Variants in GULP1 observed in about 807,000 individuals in gnomAD.
The protein encoded by GULP1 is PTB domain-containing engulfment adapter protein 1.
A neutral mutation model predicts 40.9 loss-of-function variants in GULP1; 19 were observed. The observed-to-expected ratio is 0.46, with a 90% CI of 0.32 to 0.68. The LOEUF (loss-of-function observed/expected upper bound fraction) is 0.68. Among genes scored for constraint, GULP1 ranks in the 30% least tolerant of loss-of-function variants. The probability of loss-of-function intolerance (pLI) is 0.03; values close to 1 mark genes in which losing one functional copy is unlikely to be tolerated. For synonymous variants in GULP1, 119 were observed against 117.6 expected, an observed-to-expected ratio of 1.01 and a Z score of -0.08; for missense variants, 312 against 362.2, an observed-to-expected ratio of 0.86 and a Z score of 1.12.
chr2:188,406,252 A>G (rs540788305), intron 2 of GULP1, among the ~76,000 whole-genome samples: 56 of 152,298 alleles, frequency 3.7e-4, no homozygotes, highest in African/African-American at 1.3e-3. Flanking sequence ...TACTGACTAT[A>G]TGCAGAATAC....
intron 2 of GULP1, among the ~76,000 whole-genome samples, chr2:188,431,779 G>C (rs934478526): frequency 6.6e-6 from 1 of 151,766 alleles, no homozygotes; most frequent in Non-Finnish European, 1.5e-5. Flanking sequence ...ATTTATGTTA[G>C]GACAGAAATT....
intron 1 of GULP1, among the ~76,000 whole-genome samples, chr2:188,321,847 A>C (rs10189416): frequency 0.15 from 22,988 of 151,738 alleles, 1,890 homozygotes; most frequent in African/African-American, 0.17. Context: ...TGAAACACCA[A>C]CTCTACTAAA....
chr2:188,494,279 G>C (rs932209696), intron 4 of GULP1, among the ~76,000 whole-genome samples: 4 of 151,964 alleles, frequency 2.6e-5, no homozygotes, highest in Non-Finnish European at 5.9e-5. Flanking sequence ...CAGACTTCTT[G>C]TTTGTTTCAA....
rs561922193 is a variant in GULP1, at chr2:188,495,833, C to A, written c.90+12341C>A. Among the ~76,000 whole-genome samples the A allele has an allele frequency of 2.0e-5, 3 of 151,946 alleles. No individual in the cohort carries two copies. In the South Asian group the frequency reaches 6.2e-4, roughly 32 times the overall value. On this transcript the variant is annotated intron_variant, in intron 4 of 11. Transcript: ENST00000409830. Reference sequence around the variant, plus strand: ...CAAGATTTAACAAAGATTTGATATACCTTTATTACACGGAAAAAAAAGCTT... The same window carrying A: ...CAAGATTTAACAAAGATTTGATATAACTTTATTACACGGAAAAAAAAGCTT...
chr2:188,293,843 AAAGAGACTGGGC>A (rs2034339409), intron 1 of GULP1: 1 of 152,260 alleles, frequency 6.6e-6, no homozygotes, highest in Non-Finnish European at 1.5e-5. Flanking sequence ...GCCAGGCATG[AAAGAGACTGGGC>A]AAGTTGCAGG....
At chr2:188,434,027 A>G (rs1484070158) in intron 2 of GULP1, among the ~76,000 whole-genome samples, 4 of 151,784 alleles carry the variant, frequency 2.6e-5, no homozygotes, top group African/African-American at 9.7e-5. Flanking sequence ...TAGTGAAGAT[A>G]CTAGCCTTAT....
intron 1 of GULP1, among the ~76,000 whole-genome samples, chr2:188,344,197 G>A (rs916381417): frequency 6.6e-5 from 10 of 152,216 alleles, no homozygotes; most frequent in Admixed American, 1.3e-4. Flanking sequence ...TAGAAAGAAG[G>A]AATGAGGATA....
intron 2 of GULP1, among the ~76,000 whole-genome samples, chr2:188,423,401 T>C (rs1050844537): frequency 2.0e-5 from 3 of 152,130 alleles, no homozygotes; most frequent in African/African-American, 7.2e-5. Context: ...TGAGAATTAA[T>C]ACCTATTTTT....
chr2:188,342,255 G>A (rs2043070989), intron 1 of GULP1, among the ~76,000 whole-genome samples: 1 of 152,110 alleles, frequency 6.6e-6, no homozygotes, highest in African/African-American at 2.4e-5. Flanking sequence ...TCTTCTGGAG[G>A]CTCTGAGGGA....
At chr2:188,448,118 A>G (rs2058545292) in intron 2 of GULP1, among the ~76,000 whole-genome samples, 1 of 152,228 alleles carries the variant, frequency 6.6e-6, no homozygotes, top group South Asian at 2.1e-4. Context: ...AGTGGAATGT[A>G]TGGAAGTTTG....
At chr2:188,474,327 A>G (rs554443058) in intron 2 of GULP1, among the ~76,000 whole-genome samples, 233 of 152,248 alleles carry the variant, frequency 1.5e-3, no homozygotes, top group African/African-American at 5.4e-3. Context: ...TGCATTGCTT[A>G]TGGCCTAGAC....
chr2:188,437,999 A>AATCT (rs2057570186), intron 2 of GULP1, among the ~76,000 whole-genome samples: 2 of 152,222 alleles, frequency 1.3e-5, no homozygotes, highest in South Asian at 4.1e-4. Context: ...GTGATGAAAT[A>AATCT]ATCTGTAAAA....
chr2:188,340,937 C>T (rs527946530), intron 1 of GULP1, among the ~76,000 whole-genome samples: 2 of 152,204 alleles, frequency 1.3e-5, no homozygotes, highest in East Asian at 3.9e-4. Context: ...TGCTTCTCTC[C>T]GACATTCAGC....
intron 5 of GULP1, among the ~76,000 whole-genome samples, chr2:188,526,746 T>C (rs1259847576): frequency 6.6e-6 from 1 of 152,154 alleles, no homozygotes; most frequent in African/African-American, 2.4e-5. Context: ...AAGGTAGAAC[T>C]GGGAATTTTC....
At chr2:188,390,517 C>G (rs1339752173) in intron 2 of GULP1, among the ~76,000 whole-genome samples, 5 of 151,936 alleles carry the variant, frequency 3.3e-5, no homozygotes, top group Non-Finnish European at 7.4e-5. Context: ...GATATTTGTC[C>G]ATTGTCGGAT....
chr2:188,511,151 A>G (rs1359217386), intron 4 of GULP1, among the ~76,000 whole-genome samples: 1 of 152,128 alleles, frequency 6.6e-6, no homozygotes, highest in Non-Finnish European at 1.5e-5. Flanking sequence ...GTATTCGGAA[A>G]CTCATTTTAT....
rs1172109190 is a variant in GULP1 at position 188,584,292 on chromosome 2, T to C, written c.637T>C (p.Ser213Pro). 6 of 1,608,394 alleles carry C rather than the reference T, an allele frequency of 3.7e-6. No homozygotes were observed. Among genetic ancestry groups the C allele is most frequent in the East Asian group, 2.2e-5 (1 of 44,808 alleles). Reference protein sequence around the residue: ...PAGSMTPKSPSTDIFDMIPFS... With the variant: ...PAGSMTPKSPPTDIFDMIPFS... ...AGGCAGTATGACACCTAAGTCGCCC[T>C]CCACTGACATCTTTGATATGATTCC... The change falls in exon 10 of 12, where the codon TCC (serine) becomes CCC (proline). Residue 213 changes from serine to proline, a missense_variant. Ser to Pro is a moderately conservative substitution (Grantham distance 74). Transcript: ENST00000409830.
chr2:188,465,967 G>A (rs532888164), intron 2 of GULP1, among the ~76,000 whole-genome samples: 2 of 149,432 alleles, frequency 1.3e-5, no homozygotes, highest in African/African-American at 5.1e-5. Flanking sequence ...GTGTGTGTGT[G>A]TATATGTGTG....
chr2:188,491,483 G>A (rs1452352042), intron 4 of GULP1: 2 of 152,000 alleles, frequency 1.3e-5, no homozygotes, highest in African/African-American at 2.4e-5. Context: ...GTTAAGAGAA[G>A]TAAAATGTGG....
Sources: allele counts gnomAD v4.1 joint callset (sites outside exome capture counted in the v4.1 genomes callset), GRCh38; gene constraint gnomAD v4.1.1; transcripts MANE v1.5; gene names NCBI Gene and HGNC (gene_info 2026-07-23, HGNC 2026-07-21).